COL26A1: variants seen among roughly 807,000 people sequenced by gnomAD.
The protein encoded by COL26A1 is collagen alpha-1(XXVI) chain.
Under a neutral mutation model 59.3 loss-of-function variants are expected in COL26A1, and 41 were observed. That is an observed-to-expected ratio of 0.69 (90% CI 0.54 to 0.90). The LOEUF (loss-of-function observed/expected upper bound fraction) is 0.90. Among genes scored for constraint, COL26A1 ranks in the 40% least tolerant of loss-of-function variants. COL26A1 has a pLI of 0.00. For synonymous variants in COL26A1, 266 were observed against 256.0 expected, an observed-to-expected ratio of 1.04 and a Z score of -0.37; for missense variants, 612 against 602.3, an observed-to-expected ratio of 1.02 and a Z score of -0.17.
intron 5 of COL26A1, among the ~76,000 whole-genome samples, chr7:101,542,350 G>A (rs117758520): frequency 0.068 from 10,401 of 152,178 alleles, 437 homozygotes; most frequent in Middle Eastern, 0.11. Flanking sequence ...TGATCCACCC[G>A]CCTCGGCCTC....
intron 3 of COL26A1, among the ~76,000 whole-genome samples, chr7:101,466,918 C>T (rs1171072885): frequency 6.6e-6 from 1 of 151,620 alleles, no homozygotes; most frequent in East Asian, 1.9e-4. Context: ...AGAAAGCACC[C>T]TGTCAGGTAG....
chr7:101,516,176 C>T (rs953760988), intron 3 of COL26A1, among the ~76,000 whole-genome samples: 5 of 152,262 alleles, frequency 3.3e-5, no homozygotes, highest in Non-Finnish European at 4.4e-5. Context: ...CTAATCTGTA[C>T]GAAGAAAGGG....
chr7:101,489,601 T>TTCTCTTTC (rs1286911630), intron 3 of COL26A1, among the ~76,000 whole-genome samples: 36 of 105,232 alleles, frequency 3.4e-4, no homozygotes, highest in East Asian at 1.4e-3. Context: ...TTTTCTTTCT[T>TTCTCTTTC]TTTCTTTCTT....
rs1395242220 is a variant in COL26A1 at position 101,489,671 on chromosome 7, TCCTTCC to T, written c.385+41885_385+41890del. Among the ~76,000 whole-genome samples, 16 of 51,368 alleles carry T rather than the reference TCCTTCC, an allele frequency of 3.1e-4. 1 individual carries two copies. The highest frequency in any genetic ancestry group is 1.0e-3 in the African/African-American group (5 of 5,000). The allele number at this position is 51,368 out of a possible 152,430, so 33.7% of individuals were successfully genotyped here. A position where few individuals can be genotyped will look rare whatever the true frequency, so the allele number is the denominator to read the frequency against. On this transcript the variant is annotated intron_variant, in intron 3 of 12. Coordinates refer to ENST00000313669, the MANE Select transcript of COL26A1 (RefSeq NM_001278563.3). ...TTTCTTTCTTTCTTTCTTCCTTCCT[TCCTTCC>T]TTCCTTTCTTTCTTTCTTTCTGTCT...
intron 3 of COL26A1, among the ~76,000 whole-genome samples, chr7:101,487,515 T>C (rs1385534270): frequency 6.6e-6 from 1 of 151,998 alleles, no homozygotes; most frequent in African/African-American, 2.4e-5. Flanking sequence ...CTCCCTGCCA[T>C]CTTGGCTCCT....
intron 7 of COL26A1, among the ~76,000 whole-genome samples, chr7:101,546,034 G>A (rs1795727894): frequency 6.6e-6 from 1 of 152,214 alleles, no homozygotes; most frequent in South Asian, 2.1e-4. Context: ...GGCCCTCGGG[G>A]GCACCGGCCA....
In COL26A1 at chr7:101,558,087, G is replaced by A. The variant is rs1796023116; in HGVS notation, c.*557G>A. On this transcript the variant is annotated 3_prime_UTR_variant, in exon 13 of 13. Coordinates refer to ENST00000313669, the MANE Select transcript of COL26A1 (RefSeq NM_001278563.3). ...GAAAACTCAGACAGGGAGGGCGCAGGGCCAGAACGGCTCCTTAAGGCAGGC... is the reference window on the plus strand; with the variant it reads ...GAAAACTCAGACAGGGAGGGCGCAGAGCCAGAACGGCTCCTTAAGGCAGGC... 1 of 152,360 alleles carries A rather than the reference G, an allele frequency of 6.6e-6. No homozygotes were observed. Among genetic ancestry groups the A allele is most frequent in the Non-Finnish European group, 1.5e-5 (1 of 68,168 alleles). The allele number at this position is 152,360 out of a possible 1,614,324, so 9.4% of individuals were successfully genotyped here.
intron 3 of COL26A1, among the ~76,000 whole-genome samples, chr7:101,518,396 C>T (rs532576768): frequency 5.3e-5 from 8 of 152,282 alleles, no homozygotes; most frequent in Admixed American, 2.0e-4. Flanking sequence ...AGCTTTGTTT[C>T]ATGACCCTTT....
intron 2 of COL26A1, among the ~76,000 whole-genome samples, chr7:101,431,404 C>T (rs915460952): frequency 2.6e-5 from 4 of 151,952 alleles, no homozygotes; most frequent in Non-Finnish European, 2.9e-5. Context: ...GGACTTTGGG[C>T]GTGTGCCACC....
intron 3 of COL26A1, among the ~76,000 whole-genome samples, chr7:101,513,726 C>A (rs1219108423): frequency 1.3e-5 from 2 of 152,124 alleles, no homozygotes; most frequent in Non-Finnish European, 2.9e-5. Flanking sequence ...CAGATCCTAA[C>A]CTGTGCAATA....
At chr7:101,401,521 GGACAAA>G (rs1791994816) in intron 1 of COL26A1, among the ~76,000 whole-genome samples, 1 of 134,472 alleles carries the variant, frequency 7.4e-6, no homozygotes, top group Admixed American at 7.2e-5. Flanking sequence ...GGGAGCAGGA[GGACAAA>G]GAGAAGGAGG....
chr7:101,533,605 A>C (rs527533124), intron 4 of COL26A1, among the ~76,000 whole-genome samples: 3 of 152,184 alleles, frequency 2.0e-5, no homozygotes, highest in African/African-American at 7.2e-5. Flanking sequence ...ACCCAGAGGC[A>C]GAAGGAATCC....
In COL26A1 at chr7:101,367,603, T is replaced by C. The variant is rs138129829; in HGVS notation, c.158+4413T>C. 6.0e-3 allele frequency among the ~76,000 whole-genome samples: 883 copies of C among 146,112 alleles called. 12 individuals are homozygous for C. Among genetic ancestry groups the C allele is most frequent in the Non-Finnish European group, 9.2e-3 (619 of 67,220 alleles). On this transcript the variant is annotated intron_variant, in intron 1 of 12. Coordinates refer to ENST00000313669, the MANE Select transcript of COL26A1 (RefSeq NM_001278563.3). ...TCGCTTAAGCCCGGGAGGCGGAGGG[T>C]ACAATGAGCTGAGATCATGCCACTG...
chr7:101,399,575 C>T (rs1221821575), intron 1 of COL26A1, among the ~76,000 whole-genome samples: 3 of 152,234 alleles, frequency 2.0e-5, no homozygotes, highest in East Asian at 3.9e-4. Context: ...CCTCCTGCCT[C>T]GGCCTCCCAG....
intron 1 of COL26A1, among the ~76,000 whole-genome samples, chr7:101,401,921 G>T (rs1475988742): frequency 6.6e-6 from 1 of 152,082 alleles, no homozygotes; most frequent in East Asian, 1.9e-4. Context: ...GCCTGCTGGG[G>T]GTTACGTGAA....
intron 2 of COL26A1, among the ~76,000 whole-genome samples, chr7:101,431,063 A>G (rs1792767904): frequency 6.6e-6 from 1 of 152,032 alleles, no homozygotes; most frequent in Non-Finnish European, 1.5e-5. Flanking sequence ...CAGCCTCCCA[A>G]AGTGCTGGGA....
At chr7:101,490,420 G>A (rs906449149) in intron 3 of COL26A1, among the ~76,000 whole-genome samples, 5 of 151,692 alleles carry the variant, frequency 3.3e-5, no homozygotes, top group Admixed American at 3.3e-4. Context: ...CAGAGAGGCA[G>A]GCCAGGCACA....
chr7:101,545,392 G>GC lies in COL26A1; in HGVS notation c.764dup (p.Gly256ArgfsTer90). 4 of 1,589,124 alleles carry GC rather than the reference G, an allele frequency of 2.5e-6. No individual in the cohort carries two copies. Among genetic ancestry groups the GC allele is most frequent in the Admixed American group, 1.8e-5 (1 of 54,540 alleles). ...CTTCCTGGAGAGATGGGGCGCCCCGGCCCCCCAGGACCACCCGGCCCAGCA... is the reference window on the plus strand; with the variant it reads ...CTTCCTGGAGAGATGGGGCGCCCCGGCCCCCCCAGGACCACCCGGCCCAGCA... On this transcript the variant is annotated frameshift_variant, in exon 7 of 13. Coordinates refer to ENST00000313669, the MANE Select transcript of COL26A1 (RefSeq NM_001278563.3). LOFTEE classifies it high-confidence loss of function.
rs796287195 is a variant in COL26A1, at chr7:101,471,567, G to GTTTTTTTTT, written c.385+23783_385+23784insTTTTTTTTT. ...ATAATGTTTTGTTGTTGTTGTTGTT[G>GTTTTTTTTT]TTTGTTTTTTTTTTTTTTTTTTTTT... On this transcript the variant is annotated intron_variant, in intron 3 of 12. Transcript: ENST00000313669. Among the ~76,000 whole-genome samples the GTTTTTTTTT allele has an allele frequency of 7.2e-4, 81 of 112,414 alleles. 2 individuals are homozygous for GTTTTTTTTT. The highest frequency in any genetic ancestry group is 2.7e-3 in the African/African-American group (76 of 28,438). The allele number at this position is 112,414 out of a possible 152,430, so 73.7% of individuals were successfully genotyped here.
Sources: gnomAD v4.1 joint callset for allele counts (sites outside exome capture counted in the v4.1 genomes callset) on GRCh38, gnomAD v4.1.1 for gene constraint, MANE v1.5 for transcripts, NCBI Gene and HGNC (gene_info 2026-07-23, HGNC 2026-07-21) for gene names.